TMEM223: variants seen among roughly 807,000 people sequenced by gnomAD.
TMEM223 encodes the protein transmembrane protein 223.
A neutral mutation model predicts 14.1 loss-of-function variants in TMEM223; 14 were observed. The ratio of observed to expected loss-of-function variants is 0.99; its 90% CI spans 0.66 to 1.55. TMEM223 has a LOEUF of 1.55. Among genes scored for constraint, TMEM223 ranks in the 40% most tolerant of loss-of-function variants. The probability of loss-of-function intolerance (pLI) is 0.00; values close to 1 mark genes in which losing one functional copy is unlikely to be tolerated. For synonymous variants in TMEM223, 145 were observed against 120.5 expected (o/e 1.20, Z -1.33); for missense variants, 346 against 269.9 (o/e 1.28, Z -1.97).
At chr11:62,789,626 T>A, downstream of TMEM223, 1 of 1,549,448 alleles carries the variant, frequency 6.5e-7, no homozygotes, top group Non-Finnish European at 8.7e-7. Flanking sequence ...GAAAATTCCA[T>A]GGACACCCCC....
intron 1 of TMEM223, 102 bp downstream of exon 1, chr11:62,791,577 G>A (rs1209699689): frequency 4.5e-6 from 6 of 1,339,868 alleles, no homozygotes; most frequent in Admixed American, 2.9e-5. Flanking sequence ...AAGCCCGCCC[G>A]CCACTCTCGG....
chr11:62,787,026 AC>A, downstream of TMEM223: 1 of 1,500,696 alleles, frequency 6.7e-7, no homozygotes, highest in Non-Finnish European at 8.8e-7. Context: ...CGCGCGGGGC[AC>A]CCCGGCAGCA....
chr11:62,791,667 C>G lies in TMEM223; in HGVS notation c.316+12G>C, dbSNP rs1352274018. On this transcript the variant is annotated intron_variant, in intron 1 of 1. Coordinates refer to ENST00000307366, the MANE Select transcript of TMEM223 (RefSeq NM_001080501.3). ...CCACGTTGTCACAGTGGGAAGCCAG[C>G]CCACGTCTTACCGATGGCGCCGCAG... 6.6e-7 allele frequency: 1 copy of G among 1,520,208 alleles called. No homozygotes were observed. Among genetic ancestry groups the G allele is most frequent in the Non-Finnish European group, 8.8e-7 (1 of 1,134,030 alleles). 94.2% of individuals were successfully genotyped at this position (1,520,208 alleles called of 1,614,324 possible).
At chr11:62,773,568 C>T (rs2134696546) in intron 2 of TMEM223, among the ~76,000 whole-genome samples, 1 of 152,202 alleles carries the variant, frequency 6.6e-6, no homozygotes, top group Non-Finnish European at 1.5e-5. Flanking sequence ...CTGCCTCAGC[C>T]TTGCGAGTAG....
chr11:62,786,615 A>C (rs2084279260), downstream of TMEM223: 4 of 1,595,886 alleles, frequency 2.5e-6, no homozygotes, highest in Non-Finnish European at 3.4e-6. Flanking sequence ...ACGACCTGCC[A>C]TGGGACAGCC....
chr11:62,776,597 TC>T, intron 1 of TMEM223: 1 of 908,476 alleles, frequency 1.1e-6, no homozygotes, highest in Non-Finnish European at 1.7e-6. Context: ...ATGCCTGTAA[TC>T]CCAGCACTTT....
rs767955464 is a variant in TMEM223, at chr11:62,790,047, A to G, written c.*576T>C. On this transcript the variant is annotated 3_prime_UTR_variant, in exon 2 of 2. Coordinates refer to ENST00000307366, the MANE Select transcript of TMEM223 (RefSeq NM_001080501.3). ...TTGGGTCACGCCTTTCCCATTCCTGAAGAATAAGCGGAGTGCTTCCTGCAG... is the reference window on the plus strand; with the variant it reads ...TTGGGTCACGCCTTTCCCATTCCTGGAGAATAAGCGGAGTGCTTCCTGCAG... 2 of 1,607,446 alleles carry G rather than the reference A, an allele frequency of 1.2e-6. No homozygotes were observed. Among genetic ancestry groups the G allele is most frequent in the Non-Finnish European group, 1.7e-6 (2 of 1,176,492 alleles).
chr11:62,787,555 G>C (rs184429733), downstream of TMEM223: 3 of 1,522,090 alleles, frequency 2.0e-6, no homozygotes, highest in Middle Eastern at 4.7e-4. Context: ...GGTCAGGTAG[G>C]CGGGGGAGCT....
At chr11:62,789,032 A>C (rs1305897945), downstream of TMEM223, 4 of 1,611,376 alleles carry the variant, frequency 2.5e-6, no homozygotes, top group South Asian at 3.3e-5. Flanking sequence ...GGGCTCCTTC[A>C]GTGGTAGATG....
chr11:62,791,664 C>T lies in TMEM223; in HGVS notation c.316+15G>A, dbSNP rs2084362462. The T allele has an allele frequency of 6.6e-7, 1 of 1,514,232 alleles. No homozygotes were observed. The highest frequency in any genetic ancestry group is 8.8e-7 in the Non-Finnish European group (1 of 1,130,866). 93.8% of individuals were successfully genotyped at this position (1,514,232 alleles called of 1,614,324 possible). ...ACCCCACGTTGTCACAGTGGGAAGC[C>T]AGCCCACGTCTTACCGATGGCGCCG... On this transcript the variant is annotated intron_variant, in intron 1 of 1. Coordinates refer to ENST00000307366, the MANE Select transcript of TMEM223 (RefSeq NM_001080501.3).
intron 1 of TMEM223, chr11:62,778,436 T>A: frequency 1.4e-6 from 2 of 1,382,270 alleles, no homozygotes; most frequent in Non-Finnish European, 2.0e-6. Flanking sequence ...AACATGTGTT[T>A]ACCCATGCCT....
chr11:62,791,602 ACT>A (rs1565195300), intron 1 of TMEM223, 75 bp downstream of exon 1: 1 of 1,412,800 alleles, frequency 7.1e-7, no homozygotes, highest in Non-Finnish European at 9.3e-7. Flanking sequence ...GGAGTCCCTG[ACT>A]CTCCCTGCCT....
downstream of TMEM223, chr11:62,787,703 C>A: frequency 1.2e-6 from 1 of 825,910 alleles, no homozygotes; most frequent in Non-Finnish European, 1.9e-6. Context: ...TTTGTGGCTC[C>A]TCCTGGCCAG....
chr11:62,775,285 A>G (rs1328962061), intron 1 of TMEM223, among the ~76,000 whole-genome samples: 1 of 152,154 alleles, frequency 6.6e-6, no homozygotes, highest in Non-Finnish European at 1.5e-5. Context: ...GGAGAACAGC[A>G]TGGGGGAAAA....
downstream of TMEM223, chr11:62,787,537 C>T (rs1217311770): frequency 3.2e-6 from 5 of 1,552,158 alleles, no homozygotes; most frequent in East Asian, 2.3e-5. Context: ...GGTGCGGCTG[C>T]GGGGCGGGGT....
chr11:62,777,207 A>T (rs1034895694), intron 1 of TMEM223, among the ~76,000 whole-genome samples: 10 of 152,136 alleles, frequency 6.6e-5, no homozygotes, highest in African/African-American at 2.4e-4. Flanking sequence ...GGCACCTGTA[A>T]TCCCAACTAC....
intron 2 of TMEM223, chr11:62,772,208 CTG>C: frequency 2.2e-6 from 1 of 453,638 alleles, no homozygotes; most frequent in Non-Finnish European, 4.4e-6. Flanking sequence ...AAGCACTTAG[CTG>C]TGTCTCAGGC....
downstream of TMEM223, chr11:62,787,584 G>A (rs568969806): frequency 1.4e-6 from 2 of 1,462,360 alleles, no homozygotes; most frequent in South Asian, 1.4e-5. Flanking sequence ...TGGACATGGC[G>A]AGGCCACTTT....
exon 3 of TMEM223, chr11:62,771,799 T>A (rs2084149851): frequency 1.2e-5 from 3 of 249,744 alleles, no homozygotes; most frequent in Non-Finnish European, 2.4e-5. Context: ...GGTCACAGTC[T>A]AGATTTCGTG....
Sources: allele counts gnomAD v4.1 joint callset (sites outside exome capture counted in the v4.1 genomes callset), GRCh38; gene constraint gnomAD v4.1.1; transcripts MANE v1.5; gene names NCBI Gene and HGNC (gene_info 2026-07-23, HGNC 2026-07-21).